The following KCNK10 variants were observed in gnomAD, a reference collection of about 807,000 sequenced individuals.
KCNK10 encodes potassium two pore domain channel subfamily K member 10.
Under a neutral mutation model 47.7 loss-of-function variants are expected in KCNK10, and 25 were observed. The observed-to-expected ratio is 0.52, with a 90% CI of 0.38 to 0.73. KCNK10 has a LOEUF of 0.73. KCNK10 is among the 30% of genes least tolerant of loss of function. The probability of loss-of-function intolerance (pLI) is 0.00; values close to 1 mark genes in which losing one functional copy is unlikely to be tolerated. For synonymous variants in KCNK10, 303 were observed against 285.6 expected (o/e 1.06, Z -0.61); for missense variants, 563 against 714.5 (o/e 0.79, Z 2.42).
At chr14:88,242,190 A>G (rs1886498736) in intron 2 of KCNK10, among the ~76,000 whole-genome samples, 1 of 152,262 alleles carries the variant, frequency 6.6e-6, no homozygotes, top group African/African-American at 2.4e-5. Flanking sequence ...ACAGGCATAC[A>G]GTGGTTGTCA....
Position 88,322,135 on chromosome 14 carries a change from A to C in KCNK10, c.52+612T>G, listed in dbSNP as rs1595137303. ...GCCAGCCCCACCCTTCTCACAAACC[A>C]CCCCTCCTCCTGCTTCTACTCTGAC... On this transcript the variant is annotated intron_variant, in intron 1 of 6. Coordinates refer to ENST00000319231, the MANE Select transcript of KCNK10 (RefSeq NM_138317.3). This position sits in a 1 kb window ranked among gnomAD's most constrained non-coding sequence, Gnocchi z 4.8. Among the ~76,000 whole-genome samples the C allele has an allele frequency of 6.7e-6, 1 of 149,512 alleles. No homozygotes were observed. The highest frequency in any genetic ancestry group is 1.5e-5 in the Non-Finnish European group (1 of 67,438).
intron 4 of KCNK10, among the ~76,000 whole-genome samples, chr14:88,218,782 G>A (rs1765181702): frequency 6.6e-6 from 1 of 152,098 alleles, no homozygotes; most frequent in African/African-American, 2.4e-5. Context: ...CTACCCCACA[G>A]CAGGGGAGAA....
intron 1 of KCNK10, among the ~76,000 whole-genome samples, chr14:88,296,729 C>T (rs992267272): frequency 1.3e-5 from 2 of 152,212 alleles, no homozygotes; most frequent in Non-Finnish European, 2.9e-5. Flanking sequence ...TGATTCTTCT[C>T]TCTTAGACCT....
chr14:88,322,832 G>T lies in KCNK10; in HGVS notation c.-34C>A. 3.1e-6 allele frequency: 5 copies of T among 1,614,116 alleles called. No homozygotes were observed. The highest frequency in any genetic ancestry group is 4.2e-6 in the Non-Finnish European group (5 of 1,179,972). ...TGCCCAGAAGGGGAAGAAATGAAAA[G>T]AACCCAAATAATAATAAAGTCCTCA... On this transcript the variant is annotated 5_prime_UTR_variant, in exon 1 of 7. Coordinates refer to ENST00000319231, the MANE Select transcript of KCNK10 (RefSeq NM_138317.3). This position sits in a 1 kb window ranked among gnomAD's most constrained non-coding sequence, Gnocchi z 4.8.
chr14:88,191,155 T>A (rs534869909), intron 5 of KCNK10, among the ~76,000 whole-genome samples: 1 of 151,322 alleles, frequency 6.6e-6, no homozygotes, highest in African/African-American at 2.4e-5. Flanking sequence ...GAGGCTGAGG[T>A]GGGATGATCA....
intron 3 of KCNK10, among the ~76,000 whole-genome samples, chr14:88,232,148 A>G (rs1886175892): frequency 6.6e-6 from 1 of 152,206 alleles, no homozygotes; most frequent in African/African-American, 2.4e-5. Flanking sequence ...CATTATTACT[A>G]AAATAGAAAC....
intron 1 of KCNK10, among the ~76,000 whole-genome samples, chr14:88,297,109 G>A (rs1376075934): frequency 1.3e-5 from 2 of 152,186 alleles, no homozygotes; most frequent in Non-Finnish European, 2.9e-5. Flanking sequence ...GTTTATCGGA[G>A]TACTGCACAG....
intron 3 of KCNK10, among the ~76,000 whole-genome samples, chr14:88,231,003 T>A (rs540826414): frequency 6.6e-6 from 1 of 152,194 alleles, no homozygotes; most frequent in African/African-American, 2.4e-5. Context: ...CTAAATCAAG[T>A]GGGGCTCACA....
Position 88,323,039 on chromosome 14 carries a change from AAAAG to A in KCNK10, c.-245_-242del, listed in dbSNP as rs1372555038. 1 of 1,337,926 alleles carries A rather than the reference AAAAG, an allele frequency of 7.5e-7. No individual in the cohort carries two copies. Among genetic ancestry groups the A allele is most frequent in the Non-Finnish European group, 9.6e-7 (1 of 1,042,046 alleles). 82.9% of individuals were successfully genotyped at this position (1,337,926 alleles called of 1,614,324 possible). On this transcript the variant is annotated 5_prime_UTR_variant, in exon 1 of 7. Coordinates refer to ENST00000319231, the MANE Select transcript of KCNK10 (RefSeq NM_138317.3). ...GGTGGCCGGCCGCGGCCCCGTGGGTAAAAGAAAAAGTAAGATCGGCGAGGGGTGG... is the reference window on the plus strand; with the variant it reads ...GGTGGCCGGCCGCGGCCCCGTGGGTAAAAAAGTAAGATCGGCGAGGGGTGG...
intron 4 of KCNK10, among the ~76,000 whole-genome samples, chr14:88,220,819 C>A (rs1380544524): frequency 1.3e-5 from 2 of 151,888 alleles, no homozygotes; most frequent in African/African-American, 4.8e-5. Flanking sequence ...TTTTTAGATA[C>A]AACAAACACA....
chr14:88,214,747 T>C (rs1270384133), intron 4 of KCNK10, among the ~76,000 whole-genome samples: 1 of 152,196 alleles, frequency 6.6e-6, no homozygotes, highest in Non-Finnish European at 1.5e-5. Context: ...GAGGCTATGA[T>C]GCAATTCAAC....
At chr14:88,247,168 T>TC (rs1396080584) in intron 2 of KCNK10, among the ~76,000 whole-genome samples, 1 of 152,160 alleles carries the variant, frequency 6.6e-6, no homozygotes, top group Non-Finnish European at 1.5e-5. Flanking sequence ...AGTTCTTTTT[T>TC]CTCTATCTCA....
At chr14:88,265,601 G>A (rs932305548) in intron 1 of KCNK10, among the ~76,000 whole-genome samples, 1 of 152,214 alleles carries the variant, frequency 6.6e-6, no homozygotes, top group Non-Finnish European at 1.5e-5. Flanking sequence ...GGAAGCCCCA[G>A]GAAATGAATC....
intron 1 of KCNK10, chr14:88,270,903 A>G (rs2139762730): frequency 1.3e-6 from 1 of 759,706 alleles, no homozygotes; most frequent in South Asian, 1.4e-5. Flanking sequence ...TGCAGGCTCC[A>G]TGCCTTGCTC....
chr14:88,217,729 C>CTT (rs112016929), intron 4 of KCNK10, among the ~76,000 whole-genome samples: 21 of 147,018 alleles, frequency 1.4e-4, no homozygotes, highest in African/African-American at 2.2e-4. Flanking sequence ...TAATTTGAAT[C>CTT]TTTTTTTTTT....
At chr14:88,255,489 T>A (rs927081215) in intron 2 of KCNK10, among the ~76,000 whole-genome samples, 1 of 150,196 alleles carries the variant, frequency 6.7e-6, no homozygotes, top group African/African-American at 2.5e-5. Flanking sequence ...AGGCCAGGAG[T>A]TTCAGACCAG....
Position 88,185,566 on chromosome 14 carries a change from T to A in KCNK10, c.1601A>T (p.Glu534Val). 1 of 1,613,922 alleles carries A rather than the reference T, an allele frequency of 6.2e-7. No individual in the cohort carries two copies. The highest frequency in any genetic ancestry group is 1.1e-5 in the South Asian group (1 of 91,050). ...TCTGTCTTCAAGTAATGAGTTGTTCTCCGGCTCCCGGTCTTTGGTGTCCGT... is the reference window on the plus strand; with the variant it reads ...TCTGTCTTCAAGTAATGAGTTGTTCACCGGCTCCCGGTCTTTGGTGTCCGT... ...IPTDTKDREP[E>V]NNSLLEDRN The change falls in exon 7 of 7, where the codon GAG (glutamate) becomes GTG (valine). Residue 534 changes from glutamate (E) to valine (V), a missense_variant. By Grantham distance (121) the Glu-to-Val change is moderately radical (BLOSUM62 -2). Coordinates refer to ENST00000319231, the MANE Select transcript of KCNK10 (RefSeq NM_138317.3). The surrounding 1 kb of genome is among the most constrained non-coding windows in gnomAD (Gnocchi z 4.3).
intron 2 of KCNK10, among the ~76,000 whole-genome samples, chr14:88,245,336 C>A (rs1886601419): frequency 6.6e-6 from 1 of 152,110 alleles, no homozygotes; most frequent in African/African-American, 2.4e-5. Context: ...CCTCCCTCCC[C>A]CACACCATGC....
intron 4 of KCNK10, among the ~76,000 whole-genome samples, chr14:88,198,195 C>G (rs866476574): frequency 2.0e-5 from 3 of 152,164 alleles, no homozygotes; most frequent in African/African-American, 7.2e-5. Context: ...GTCTCAGAGG[C>G]AGGAAAACTC....
Sources: gnomAD v4.1 joint callset for allele counts (sites outside exome capture counted in the v4.1 genomes callset) on GRCh38, gnomAD v4.1.1 for gene constraint, Gnocchi (gnomAD v3.1) non-coding constraint, MANE v1.5 for transcripts, NCBI Gene and HGNC (gene_info 2026-07-23, HGNC 2026-07-21) for gene names.